Variants in AAK1 observed in about 807,000 individuals in gnomAD.
The protein encoded by AAK1 is AP2 associated kinase 1.
Under a neutral mutation model 116.0 loss-of-function variants are expected in AAK1, and 37 were observed. That is an observed-to-expected ratio of 0.32 (90% CI 0.25 to 0.42). The LOEUF (loss-of-function observed/expected upper bound fraction) is 0.42, where lower values mean the gene tolerates loss of function less well. AAK1 is among the 10% of genes least tolerant of loss of function. AAK1 has a pLI of 1.00. For synonymous variants in AAK1, 458 were observed against 439.9 expected (o/e 1.04, Z -0.51); for missense variants, 919 against 1,170.6 (o/e 0.79, Z 3.14).
intron 17 of AAK1, among the ~76,000 whole-genome samples, chr2:69,492,946 G>C (rs1420921102): frequency 2.0e-5 from 3 of 151,836 alleles, no homozygotes; most frequent in Non-Finnish European, 2.9e-5. Flanking sequence ...CAGACTACTT[G>C]CTTTTTGCGG....
chr2:69,472,773 C>G lies in AAK1; in HGVS notation c.*3096G>C. 1.0e-6 allele frequency: 1 copy of G among 984,708 alleles called. No homozygotes were observed. The highest frequency in any genetic ancestry group is 1.1e-4 in the East Asian group (1 of 8,818). The allele number at this position is 984,708 out of a possible 1,614,324, so 61.0% of individuals were successfully genotyped here. A position where few individuals can be genotyped will look rare whatever the true frequency, so the allele number is the denominator to read the frequency against. On this transcript the variant is annotated 3_prime_UTR_variant, in exon 22 of 22. Coordinates refer to ENST00000409085, the MANE Select transcript of AAK1 (RefSeq NM_014911.5). Reference sequence around the variant, plus strand: ...TTGCCCGTTTTAAACTGGTAGATGCCTGATTATACATTTAAAAAGAAATCT... The same window carrying G: ...TTGCCCGTTTTAAACTGGTAGATGCGTGATTATACATTTAAAAAGAAATCT...
chr2:69,619,067 A>T, intron 2 of AAK1, among the ~76,000 whole-genome samples: 1 of 151,602 alleles, frequency 6.6e-6, no homozygotes, highest in East Asian at 1.9e-4. Flanking sequence ...GCCTCCCCTC[A>T]CACCTCCCCA....
At chr2:69,475,990 T>A in intron 21 of AAK1, 27 bp from the exon 22 acceptor site, 1 of 1,597,272 alleles carries the variant, frequency 6.3e-7, no homozygotes. Context: ...AGGAATTCAG[T>A]ACAAAACATA....
intron 2 of AAK1, chr2:69,598,217 G>C (rs1298597881): frequency 1.6e-6 from 1 of 640,136 alleles, no homozygotes; most frequent in African/African-American, 1.9e-5. Context: ...TTGAAATTTA[G>C]TAAAGTATCT....
At chr2:69,531,703 T>C in intron 6 of AAK1, 9 of 1,035,694 alleles carry the variant, frequency 8.7e-6, no homozygotes, top group South Asian at 3.8e-5. Context: ...GTTGTTGTGA[T>C]CATACTTAAA....
chr2:69,618,585 T>G (rs1375574248), intron 2 of AAK1, among the ~76,000 whole-genome samples: 1 of 152,202 alleles, frequency 6.6e-6, no homozygotes, highest in East Asian at 1.9e-4. Flanking sequence ...TTCCTGCTCC[T>G]TTGAGCTCAT....
At position 69,458,770 on chromosome 2, in the gene AAK1, G is replaced by A. The variant is rs1674272803; in HGVS notation, c.*17099C>T. 1 of 152,508 alleles carries A rather than the reference G, an allele frequency of 6.6e-6. No individual in the cohort carries two copies. Among genetic ancestry groups the A allele is most frequent in the Non-Finnish European group, 1.5e-5 (1 of 68,022 alleles). 9.4% of individuals were successfully genotyped at this position (152,508 alleles called of 1,614,324 possible). On this transcript the variant is annotated 3_prime_UTR_variant, in exon 22 of 22. Coordinates refer to ENST00000409085, the MANE Select transcript of AAK1 (RefSeq NM_014911.5). Reference sequence around the variant, plus strand: ...TAGGAATCTCTGGTAGACTCAAAGAGTACAGCTGATTTGCCATTTCAGAGT... The same window carrying A: ...TAGGAATCTCTGGTAGACTCAAAGAATACAGCTGATTTGCCATTTCAGAGT...
At chr2:69,626,356 A>G (rs952097405) in intron 2 of AAK1, among the ~76,000 whole-genome samples, 5 of 152,044 alleles carry the variant, frequency 3.3e-5, no homozygotes, top group African/African-American at 9.6e-5. Flanking sequence ...GACTTCAGTC[A>G]CTGCTCCACA....
At chr2:69,574,072 A>G (rs1672199085) in intron 2 of AAK1, among the ~76,000 whole-genome samples, 1 of 151,908 alleles carries the variant, frequency 6.6e-6, no homozygotes, top group Admixed American at 6.6e-5. Context: ...TTAAATGCCC[A>G]ATGAAAAGAG....
chr2:69,470,396 C>T lies in AAK1; in HGVS notation c.*5473G>A. The T allele has an allele frequency of 1.0e-6, 1 of 985,360 alleles. No homozygotes were observed. Among genetic ancestry groups the T allele is most frequent in the Non-Finnish European group, 1.2e-6 (1 of 829,918 alleles). 61.0% of individuals were successfully genotyped at this position (985,360 alleles called of 1,614,324 possible). A position where few individuals can be genotyped will look rare whatever the true frequency, so the allele number is the denominator to read the frequency against. On this transcript the variant is annotated 3_prime_UTR_variant, in exon 22 of 22. Transcript: ENST00000409085. The stretch of plus-strand genomic sequence containing the variant: ...AGACGTACATCAAACTAATAATTAC[C>T]ATGACCTTCTAGCTCACATAACAAA...
chr2:69,530,897 G>GT (rs1558939169), intron 6 of AAK1, among the ~76,000 whole-genome samples, 191 bp from the exon 7 acceptor site: 1 of 152,204 alleles, frequency 6.6e-6, no homozygotes, highest in African/African-American at 2.4e-5. Context: ...ACACCAAGGC[G>GT]TTCTGGCAGC....
intron 3 of AAK1, among the ~76,000 whole-genome samples, chr2:69,546,652 T>C (rs1670936620): frequency 6.6e-6 from 1 of 152,190 alleles, no homozygotes; most frequent in Non-Finnish European, 1.5e-5. Context: ...AAAATATTGG[T>C]AGAACCATGC....
At position 69,469,116 on chromosome 2, in the gene AAK1, T is replaced by C. The variant is rs1674590646; in HGVS notation, c.*6753A>G. ...GGAATGGAAAAGTACATTTAAAGGG[T>C]TGTCCTGAGAAGGCCAAGTCCCTTA... is the stretch of plus-strand genomic sequence containing the variant. On this transcript the variant is annotated 3_prime_UTR_variant, in exon 22 of 22. Transcript: ENST00000409085. 1.0e-6 allele frequency: 1 copy of C among 985,192 alleles called. No homozygotes were observed. Among genetic ancestry groups the C allele is most frequent in the Non-Finnish European group, 1.2e-6 (1 of 829,890 alleles). The allele number at this position is 985,192 out of a possible 1,614,324, so 61.0% of individuals were successfully genotyped here.
Position 69,507,586 on chromosome 2 carries a change from G to A in AAK1, c.2007-8C>T, listed in dbSNP as rs1211923395. Reference sequence around the variant, plus strand: ...GGAGTGGTGGTTGCAGACCTAGGTAGGTTCCCACCCCCACGAAACAAAAAG... The same window carrying A: ...GGAGTGGTGGTTGCAGACCTAGGTAAGTTCCCACCCCCACGAAACAAAAAG... On this transcript the variant is annotated splice_region_variant and splice_polypyrimidine_tract_variant and intron_variant, in intron 14 of 21. Coordinates refer to ENST00000409085, the MANE Select transcript of AAK1 (RefSeq NM_014911.5). 6 of 1,587,768 alleles carry A rather than the reference G, an allele frequency of 3.8e-6. No homozygotes were observed. The East Asian group carries it at 1.3e-4, about 36-fold the overall frequency.
Position 69,466,470 on chromosome 2 carries a change from A to G in AAK1, c.*9399T>C. 7.8e-7 allele frequency: 1 copy of G among 1,279,564 alleles called. No individual in the cohort carries two copies. Among genetic ancestry groups the G allele is most frequent in the Non-Finnish European group, 1.0e-6 (1 of 982,590 alleles). The allele number at this position is 1,279,564 out of a possible 1,614,324, so 79.3% of individuals were successfully genotyped here. A position where few individuals can be genotyped will look rare whatever the true frequency, so the allele number is the denominator to read the frequency against. On this transcript the variant is annotated 3_prime_UTR_variant, in exon 22 of 22. Coordinates refer to ENST00000409085, the MANE Select transcript of AAK1 (RefSeq NM_014911.5). The stretch of plus-strand genomic sequence containing the variant: ...AGGTACTCTGGAGGGGTCTGGATAC[A>G]GCGGAAGGCCTTTAACACCCAGTGA...
chr2:69,559,260 T>TCA (rs1179622142), intron 2 of AAK1, among the ~76,000 whole-genome samples: 18 of 117,090 alleles, frequency 1.5e-4, no homozygotes, highest in Non-Finnish European at 2.0e-4. Context: ...TCTCTCTCTC[T>TCA]CTCACACACA....
chr2:69,610,734 A>G (rs1341628778), intron 2 of AAK1, among the ~76,000 whole-genome samples: 2 of 152,258 alleles, frequency 1.3e-5, no homozygotes, highest in African/African-American at 4.8e-5. Context: ...AATGAGATAT[A>G]CAAACAGCTA....
At position 69,525,092 on chromosome 2, in the gene AAK1, C is replaced by A; in HGVS notation, c.996G>T (p.Lys332Asn). The change falls in exon 10 of 22, where the codon AAG (lysine) becomes AAT (asparagine). Residue 332 changes from lysine (K) to asparagine (N), a missense_variant. By Grantham distance (94) the Lys-to-Asn change is moderately conservative. Coordinates refer to ENST00000409085, the MANE Select transcript of AAK1 (RefSeq NM_014911.5). ...PNVQNSPIPA[K>N]LPEPVKASEA... ...CACTGGCTTTCACTGGTTCAGGAAG[C>A]TTTGCAGGAATGGGAGAGTTCTATA... 1.2e-6 allele frequency: 2 copies of A among 1,613,924 alleles called. No individual in the cohort carries two copies. The highest frequency in any genetic ancestry group is 1.7e-6 in the Non-Finnish European group (2 of 1,179,854).
At chr2:69,606,979 T>C (rs1673825594) in intron 2 of AAK1, among the ~76,000 whole-genome samples, 2 of 141,950 alleles carry the variant, frequency 1.4e-5, no homozygotes. Flanking sequence ...GGTGGGAGGA[T>C]GGCTTGAGCC....
Sources: allele counts gnomAD v4.1 joint callset (sites outside exome capture counted in the v4.1 genomes callset), GRCh38; gene constraint gnomAD v4.1.1; transcripts MANE v1.5; gene names NCBI Gene and HGNC (gene_info 2026-07-23, HGNC 2026-07-21).